DPP10: variants seen among roughly 807,000 people sequenced by gnomAD.
DPP10 encodes dipeptidyl peptidase like 10.
A neutral mutation model predicts 120.9 loss-of-function variants in DPP10; 33 were observed. That is an observed-to-expected ratio of 0.27 (90% CI 0.21 to 0.37). DPP10 has a LOEUF of 0.37. Ranked by LOEUF, DPP10 falls within the 10% of genes least tolerant of loss-of-function variation. The pLI is 1.00. For synonymous variants in DPP10, 337 were observed against 326.1 expected (o/e 1.03, Z -0.36); for missense variants, 816 against 942.8 (o/e 0.87, Z 1.76).
intron 1 of DPP10, among the ~76,000 whole-genome samples, chr2:114,652,642 A>G (rs945895285): frequency 6.6e-6 from 1 of 152,188 alleles, no homozygotes; most frequent in African/African-American, 2.4e-5. Context: ...GTTATAGTGG[A>G]TGTATAATTG....
At chr2:115,164,538 CTA>C (rs2052686395) in intron 1 of DPP10, among the ~76,000 whole-genome samples, 1 of 152,152 alleles carries the variant, frequency 6.6e-6, no homozygotes, top group Non-Finnish European at 1.5e-5. Context: ...AAATCAATCA[CTA>C]TGCATTGATT....
chr2:115,633,916 C>T (rs551799071), intron 5 of DPP10, among the ~76,000 whole-genome samples: 1 of 152,282 alleles, frequency 6.6e-6, no homozygotes, highest in Admixed American at 6.5e-5. Context: ...CTTTCAGCTA[C>T]CCCTATCAGT....
At chr2:114,857,972 T>G (rs1333368117) in intron 1 of DPP10, among the ~76,000 whole-genome samples, 1 of 152,038 alleles carries the variant, frequency 6.6e-6, no homozygotes, top group East Asian at 1.9e-4. Flanking sequence ...CTACTTGGCA[T>G]TTTTTTGTTT....
At chr2:115,464,091 T>C (rs1402643408) in intron 3 of DPP10, among the ~76,000 whole-genome samples, 1 of 152,158 alleles carries the variant, frequency 6.6e-6, no homozygotes, top group Non-Finnish European at 1.5e-5. Context: ...GGGTCCTCAC[T>C]GTTCAACCTC....
chr2:114,585,756 A>G (rs1157458710), intron 1 of DPP10, among the ~76,000 whole-genome samples: 1 of 152,172 alleles, frequency 6.6e-6, no homozygotes, highest in Non-Finnish European at 1.5e-5. Context: ...TACCACCAGA[A>G]TTGGATTTTC....
At chr2:114,710,355 T>C (rs1372118405) in intron 1 of DPP10, among the ~76,000 whole-genome samples, 1 of 152,254 alleles carries the variant, frequency 6.6e-6, no homozygotes, top group Non-Finnish European at 1.5e-5. Flanking sequence ...AATAAGTTGC[T>C]TGCTTTTAAG....
intron 1 of DPP10, among the ~76,000 whole-genome samples, chr2:114,510,916 A>G (rs1684091436): frequency 6.6e-6 from 1 of 152,220 alleles, no homozygotes; most frequent in Admixed American, 6.5e-5. Context: ...ATTAATTTAA[A>G]TTGGTTAAAA....
At chr2:115,715,324 A>G (rs2092455535) in intron 7 of DPP10, among the ~76,000 whole-genome samples, 1 of 129,646 alleles carries the variant, frequency 7.7e-6, no homozygotes, top group Non-Finnish European at 1.6e-5. Flanking sequence ...GGGCAACAAG[A>G]GCAAAACTCC....
At chr2:115,571,321 G>C (rs546384060) in intron 5 of DPP10, among the ~76,000 whole-genome samples, 1 of 152,030 alleles carries the variant, frequency 6.6e-6, no homozygotes, top group Non-Finnish European at 1.5e-5. Flanking sequence ...GGTAAGAATG[G>C]TCCTGTCACC....
At chr2:114,708,660 G>A (rs1331137538) in intron 1 of DPP10, among the ~76,000 whole-genome samples, 1 of 152,178 alleles carries the variant, frequency 6.6e-6, no homozygotes, top group Non-Finnish European at 1.5e-5. Flanking sequence ...AGAAAAGCAA[G>A]AAAACAGAAA....
chr2:115,401,875 G>A (rs2068096125), intron 3 of DPP10, among the ~76,000 whole-genome samples: 1 of 151,662 alleles, frequency 6.6e-6, no homozygotes, highest in Non-Finnish European at 1.5e-5. Flanking sequence ...CACTACATGG[G>A]ACCAGATATT....
chr2:114,704,257 C>T lies in DPP10; in HGVS notation c.60+261419C>T, dbSNP rs1700555431. ...AGCAGTGGTGTTGGTGATAGACAATCAAAGATGGAAAGGATCCGTGTGGCC... is the reference window on the plus strand; with the variant it reads ...AGCAGTGGTGTTGGTGATAGACAATTAAAGATGGAAAGGATCCGTGTGGCC... On this transcript the variant is annotated intron_variant, in intron 1 of 25. Transcript: ENST00000410059. Among the ~76,000 whole-genome samples, 4 of 152,134 alleles carry T rather than the reference C, an allele frequency of 2.6e-5. No homozygotes were observed. The South Asian group carries it at 6.2e-4, about 24-fold the overall frequency.
At chr2:115,158,841 T>C (rs1204465894) in intron 1 of DPP10, among the ~76,000 whole-genome samples, 1 of 152,228 alleles carries the variant, frequency 6.6e-6, no homozygotes, top group African/African-American at 2.4e-5. Context: ...TCAGAAGTTA[T>C]GCTTTGTAAA....
In DPP10 at chr2:114,539,097, T is replaced by C. The variant is rs373239858; in HGVS notation, c.60+96259T>C. Among the ~76,000 whole-genome samples the C allele has an allele frequency of 1.4e-4, 21 of 151,552 alleles. No individual in the cohort carries two copies. In the East Asian group the frequency reaches 2.9e-3, roughly 21 times the overall value. ...TTTAATTGCCACATAGCAGACAAAG[T>C]GATGTTTTTAAAATAAAAATTGTAT... is the stretch of plus-strand genomic sequence containing the variant. On this transcript the variant is annotated intron_variant, in intron 1 of 25. Transcript: ENST00000410059.
chr2:115,265,015 G>C (rs1307139005), intron 1 of DPP10, among the ~76,000 whole-genome samples: 1 of 152,036 alleles, frequency 6.6e-6, no homozygotes, highest in Non-Finnish European at 1.5e-5. Context: ...CTGCTATGTG[G>C]TATGACTTGC....
At chr2:115,238,151 T>C (rs887127998) in intron 1 of DPP10, among the ~76,000 whole-genome samples, 16 of 152,194 alleles carry the variant, frequency 1.1e-4, no homozygotes, top group African/African-American at 3.6e-4. Context: ...TAGAGGCTGA[T>C]GGAGCTGACA....
intron 3 of DPP10, among the ~76,000 whole-genome samples, chr2:115,423,933 G>A (rs901816418): frequency 3.3e-5 from 5 of 151,954 alleles, no homozygotes; most frequent in Non-Finnish European, 7.4e-5. Context: ...TTGCATTCAT[G>A]GTTATGCCAA....
chr2:115,711,818 T>C (rs2092323846), intron 7 of DPP10, among the ~76,000 whole-genome samples: 1 of 151,966 alleles, frequency 6.6e-6, no homozygotes, highest in Non-Finnish European at 1.5e-5. Flanking sequence ...AGGTTACATA[T>C]AGTGATCCAT....
intron 2 of DPP10, among the ~76,000 whole-genome samples, chr2:115,319,043 T>G (rs899954102): frequency 6.6e-6 from 1 of 152,158 alleles, no homozygotes. Flanking sequence ...TTAGCTTGTT[T>G]AGATAAAGAT....
Sources: allele counts gnomAD v4.1 joint callset (sites outside exome capture counted in the v4.1 genomes callset), GRCh38; gene constraint gnomAD v4.1.1; transcripts MANE v1.5; gene names NCBI Gene and HGNC (gene_info 2026-07-23, HGNC 2026-07-21).